The following GALNT9 variants were observed in gnomAD, a reference collection of about 807,000 sequenced individuals.
GALNT9 encodes the protein polypeptide N-acetylgalactosaminyltransferase 9.
Under a neutral mutation model 63.1 loss-of-function variants are expected in GALNT9, and 47 were observed. The observed-to-expected ratio is 0.75, with a 90% CI of 0.59 to 0.95. The LOEUF is 0.95. GALNT9 is among the 40% of genes least tolerant of loss of function. GALNT9 has a pLI of 0.00. For missense variants in GALNT9, 829 were observed against 874.8 expected, an observed-to-expected ratio of 0.95 and a Z score of 0.66; for synonymous variants, 396 against 365.7, an observed-to-expected ratio of 1.08 and a Z score of -0.94.
At chr12:132,281,981 G>A (rs113127615) in intron 2 of GALNT9, among the ~76,000 whole-genome samples, 3 of 138,924 alleles carry the variant, frequency 2.2e-5, no homozygotes, top group African/African-American at 2.8e-5. Flanking sequence ...ATCCCACAGA[G>A]GAGGAATCAG....
intron 6 of GALNT9, among the ~76,000 whole-genome samples, chr12:132,229,431 C>T (rs925235636): frequency 3.3e-5 from 5 of 152,260 alleles, no homozygotes; most frequent in Non-Finnish European, 5.9e-5. Flanking sequence ...GACGCCCCAC[C>T]CGTCCTGCCC....
chr12:132,302,364 C>T (rs569432017), intron 1 of GALNT9, among the ~76,000 whole-genome samples: 22 of 152,224 alleles, frequency 1.4e-4, no homozygotes, highest in East Asian at 7.7e-4. Flanking sequence ...CAGCGCAGTT[C>T]GATCCATGTA....
In GALNT9 at chr12:132,269,752, G is replaced by A. The variant is rs1206720572; in HGVS notation, c.420-7127C>T. Among the ~76,000 whole-genome samples the A allele has an allele frequency of 5.3e-5, 8 of 152,262 alleles. No individual in the cohort carries two copies. In the South Asian group the frequency reaches 6.2e-4, roughly 12 times the overall value. Reference sequence around the variant, plus strand: ...TCTCAGACGCGTGGGGCCGGATCCCGGTGGGGTGGCACGTGGCGCCTGCTG... The same window carrying A: ...TCTCAGACGCGTGGGGCCGGATCCCAGTGGGGTGGCACGTGGCGCCTGCTG... On this transcript the variant is annotated intron_variant, in intron 2 of 10. Transcript: ENST00000328957.
At chr12:132,229,681 T>A (rs1877823421) in intron 6 of GALNT9, among the ~76,000 whole-genome samples, 1 of 152,198 alleles carries the variant, frequency 6.6e-6, no homozygotes, top group Non-Finnish European at 1.5e-5. Flanking sequence ...GTTGGCAAGC[T>A]TAGCTGGGAA....
At position 132,245,167 on chromosome 12, in the gene GALNT9, C is replaced by T. The variant is rs1333904972; in HGVS notation, c.1077+2743G>A. On this transcript the variant is annotated intron_variant, in intron 6 of 10. Coordinates refer to ENST00000328957, the MANE Select transcript of GALNT9 (RefSeq NM_001122636.2). The surrounding 1 kb of genome is among the most constrained non-coding windows in gnomAD (Gnocchi z 6.3). The stretch of plus-strand genomic sequence containing the variant: ...CAGAAAGGCCCCTATGTCAGCCAGG[C>T]GTGGTGGTTCACACCTGGAATCCCA... 6.6e-6 allele frequency among the ~76,000 whole-genome samples: 1 copy of T among 152,008 alleles called. No homozygotes were observed. Among genetic ancestry groups the T allele is most frequent in the Middle Eastern group, 3.2e-3 (1 of 314 alleles).
intron 2 of GALNT9, chr12:132,278,319 A>G (rs1555241402): frequency 3.3e-5 from 5 of 152,252 alleles, no homozygotes. Context: ...AAAATAAAAT[A>G]ATCAGGCATC....
chr12:132,300,358 AT>A (rs1881248348), intron 1 of GALNT9, among the ~76,000 whole-genome samples: 1 of 130,006 alleles, frequency 7.7e-6, no homozygotes, highest in Non-Finnish European at 1.6e-5. Context: ...CATCTAACCC[AT>A]CCCTGAGATG....
rs184884566 is a variant in GALNT9 at position 132,319,598 on chromosome 12, G to A, written c.238+9368C>T. Among the ~76,000 whole-genome samples, 230 of 152,210 alleles carry A rather than the reference G, an allele frequency of 1.5e-3. 1 individual carries two copies. The highest frequency in any genetic ancestry group is 9.6e-3 in the South Asian group (46 of 4,816). ...TCTCCTCTTGGGTCTCTCTCTATCC[G>A]CCGGCTCCTTTCCTCGGGAGAGCCC... is the stretch of plus-strand genomic sequence containing the variant. On this transcript the variant is annotated intron_variant, in intron 1 of 10. Transcript: ENST00000328957. The surrounding 1 kb of genome is among the most constrained non-coding windows in gnomAD (Gnocchi z 5.2).
At chr12:132,295,148 T>C (rs1881006588) in intron 1 of GALNT9, among the ~76,000 whole-genome samples, 1 of 152,190 alleles carries the variant, frequency 6.6e-6, no homozygotes, top group Non-Finnish European at 1.5e-5. Context: ...GGGCCAGAGA[T>C]GGGGCCTCCA....
chr12:132,263,190 A>G (rs1828004116), intron 2 of GALNT9, among the ~76,000 whole-genome samples: 1 of 152,346 alleles, frequency 6.6e-6, no homozygotes, highest in African/African-American at 2.4e-5. Flanking sequence ...GCCCTGGCTC[A>G]TAGCTGGTTC....
chr12:132,213,535 CCACATACAGGCGCACTCACACAGT>C (rs1014805659), intron 6 of GALNT9, among the ~76,000 whole-genome samples: 1 of 151,570 alleles, frequency 6.6e-6, no homozygotes, highest in African/African-American at 2.4e-5. Context: ...GCACTCCCAC[CCACATACAGGCGCACTCACACAGT>C]CACACACAGG....
chr12:132,278,942 T>A (rs994005080), intron 2 of GALNT9: 2 of 152,230 alleles, frequency 1.3e-5, no homozygotes, highest in Non-Finnish European at 1.5e-5. Context: ...GTGTGGATGC[T>A]GGCCCGCCCC....
chr12:132,211,087 C>T (rs1022119285), intron 6 of GALNT9, among the ~76,000 whole-genome samples: 2 of 152,190 alleles, frequency 1.3e-5, no homozygotes, highest in African/African-American at 4.8e-5. Context: ...GGCTGCACGT[C>T]ACACAACCAA....
Position 132,236,827 on chromosome 12 carries a change from C to A in GALNT9, c.1077+11083G>T, listed in dbSNP as rs1346671589. Among the ~76,000 whole-genome samples, 1 of 152,220 alleles carries A rather than the reference C, an allele frequency of 6.6e-6. No individual in the cohort carries two copies. Among genetic ancestry groups the A allele is most frequent in the Non-Finnish European group, 1.5e-5 (1 of 68,034 alleles). ...GTCTATCCTGGGCATGGCGGCCCCT[C>A]ATGCCCGTTTTCCCAGGGTTGGTTT... On this transcript the variant is annotated intron_variant, in intron 6 of 10. Transcript: ENST00000328957. This position sits in a 1 kb window ranked among gnomAD's most constrained non-coding sequence, Gnocchi z 5.6.
intron 1 of GALNT9, among the ~76,000 whole-genome samples, chr12:132,301,972 A>G (rs1881313298): frequency 6.6e-6 from 1 of 152,204 alleles, no homozygotes; most frequent in Non-Finnish European, 1.5e-5. Context: ...TTGTCCACAG[A>G]AACACCTGCC....
chr12:132,294,545 A>T (rs1189203877), intron 1 of GALNT9, among the ~76,000 whole-genome samples: 3 of 98,616 alleles, frequency 3.0e-5, no homozygotes, highest in African/African-American at 1.5e-4. Flanking sequence ...CCTTGGAGCC[A>T]GGTCTCAGAG....
At chr12:132,203,817 G>T in intron 6 of GALNT9, 127 bp from the exon 7 acceptor site, 2 of 970,512 alleles carry the variant, frequency 2.1e-6, no homozygotes, top group Non-Finnish European at 3.0e-6. Flanking sequence ...CCACCGACGG[G>T]CCTGGTGGGT....
Position 132,316,858 on chromosome 12 carries a change from T to G in GALNT9, c.238+12108A>C, listed in dbSNP as rs1868534799. On this transcript the variant is annotated intron_variant, in intron 1 of 10. Transcript: ENST00000328957. This position sits in a 1 kb window ranked among gnomAD's most constrained non-coding sequence, Gnocchi z 4.3. ...GGGAGGGGTGGGGCAGCTACCAGCATCTAGTGGTTGGAGGCCAGGAATGCT... is the reference window on the plus strand; with the variant it reads ...GGGAGGGGTGGGGCAGCTACCAGCAGCTAGTGGTTGGAGGCCAGGAATGCT... 1.3e-5 allele frequency among the ~76,000 whole-genome samples: 2 copies of G among 151,894 alleles called. No individual in the cohort carries two copies. The highest frequency in any genetic ancestry group is 4.1e-4 in the South Asian group (2 of 4,820).
rs185435676 is a variant in GALNT9 at position 132,286,532 on chromosome 12, C to T, written c.239-102G>A. 1,723 of 1,437,852 alleles carry T rather than the reference C, an allele frequency of 1.2e-3. 39 individuals carry two copies. The Admixed American group carries it at 0.04, about 33-fold the overall frequency. The allele number at this position is 1,437,852 out of a possible 1,614,324, so 89.1% of individuals were successfully genotyped here. ...CCCTCTCCCCGACGGCCGCTTCCCC[C>T]GGTACAAGCCCAGCAAACTCCCTGC... On this transcript the variant is annotated intron_variant, in intron 1 of 10. Coordinates refer to ENST00000328957, the MANE Select transcript of GALNT9 (RefSeq NM_001122636.2). The surrounding 1 kb of genome is among the most constrained non-coding windows in gnomAD (Gnocchi z 7.4).
Sources: gnomAD v4.1 joint callset for allele counts (sites outside exome capture counted in the v4.1 genomes callset) on GRCh38, gnomAD v4.1.1 for gene constraint, Gnocchi (gnomAD v3.1) non-coding constraint, MANE v1.5 for transcripts, NCBI Gene and HGNC (gene_info 2026-07-23, HGNC 2026-07-21) for gene names.